SPOCK1: variants seen among roughly 807,000 people sequenced by gnomAD.
The protein encoded by SPOCK1 is SPARC (osteonectin), cwcv and kazal like domains proteoglycan 1, also known as testican-1.
In SPOCK1, 23 loss-of-function variants were observed where a neutral mutation model predicts 55.3. That is an observed-to-expected ratio of 0.42 (90% CI 0.30 to 0.59). SPOCK1 has a LOEUF of 0.59. Ranked by LOEUF, SPOCK1 falls within the 20% of genes least tolerant of loss-of-function variation. The pLI is 0.22. For missense variants in SPOCK1, 499 were observed against 552.5 expected (o/e 0.90, Z 0.97); for synonymous variants, 226 against 221.0 (o/e 1.02, Z -0.20).
At chr5:137,343,933 T>C (rs1750496806) in intron 2 of SPOCK1, among the ~76,000 whole-genome samples, 3 of 152,176 alleles carry the variant, frequency 2.0e-5, no homozygotes, top group Admixed American at 1.3e-4. Flanking sequence ...CTCCCCATCA[T>C]AGAACAGGAT....
chr5:137,171,155 A>G (rs1754747974), intron 3 of SPOCK1, among the ~76,000 whole-genome samples: 1 of 152,176 alleles, frequency 6.6e-6, no homozygotes, highest in African/African-American at 2.4e-5. Context: ...ACCCGAGACT[A>G]CATGCTCATC....
intron 2 of SPOCK1, among the ~76,000 whole-genome samples, chr5:137,444,667 T>C (rs908505602): frequency 2.0e-5 from 3 of 152,176 alleles, no homozygotes. Context: ...AAGCAAGTAA[T>C]AGAGCCATCT....
chr5:137,176,677 C>A (rs1754859284), intron 3 of SPOCK1, among the ~76,000 whole-genome samples: 1 of 152,126 alleles, frequency 6.6e-6, no homozygotes, highest in South Asian at 2.1e-4. Context: ...GGCAACAACT[C>A]AAATTGATGT....
intron 2 of SPOCK1, among the ~76,000 whole-genome samples, chr5:137,423,505 C>A (rs879389995): frequency 6.6e-6 from 1 of 152,200 alleles, no homozygotes; most frequent in African/African-American, 2.4e-5. Flanking sequence ...CCCCCAGCCT[C>A]GCTGCTGCCT....
At chr5:137,441,879 C>T (rs1379956412) in intron 2 of SPOCK1, among the ~76,000 whole-genome samples, 1 of 152,222 alleles carries the variant, frequency 6.6e-6, no homozygotes, top group African/African-American at 2.4e-5. Context: ...GTTACCTACT[C>T]ACAACTAGGC....
intron 3 of SPOCK1, among the ~76,000 whole-genome samples, chr5:137,248,732 T>C (rs2127104765): frequency 6.6e-6 from 1 of 152,276 alleles, no homozygotes; most frequent in East Asian, 1.9e-4. Flanking sequence ...AAAGAGATGA[T>C]TCATATAAAG....
intron 6 of SPOCK1, among the ~76,000 whole-genome samples, chr5:137,021,234 CATAG>C (rs1751558758): frequency 6.6e-6 from 1 of 152,070 alleles, no homozygotes; most frequent in Non-Finnish European, 1.5e-5. Flanking sequence ...CATGCAGCAG[CATAG>C]ATAAATTTTG....
At chr5:137,434,981 A>G (rs1427077411) in intron 2 of SPOCK1, among the ~76,000 whole-genome samples, 2 of 152,246 alleles carry the variant, frequency 1.3e-5, no homozygotes, top group Non-Finnish European at 2.9e-5. Flanking sequence ...AAAAAGAATT[A>G]AAATTTCCAA....
At chr5:137,415,872 T>A (rs1479654537) in intron 2 of SPOCK1, among the ~76,000 whole-genome samples, 1 of 152,146 alleles carries the variant, frequency 6.6e-6, no homozygotes, top group Non-Finnish European at 1.5e-5. Flanking sequence ...TCTTCCTAAA[T>A]ATCCCAAAAG....
chr5:137,116,829 C>T (rs1753593221), intron 4 of SPOCK1, among the ~76,000 whole-genome samples: 1 of 152,114 alleles, frequency 6.6e-6, no homozygotes, highest in South Asian at 2.1e-4. Flanking sequence ...TCAGCCGTTT[C>T]CCAGAGCCAG....
intron 2 of SPOCK1, among the ~76,000 whole-genome samples, chr5:137,416,229 G>A (rs535035956): frequency 8.5e-4 from 129 of 151,488 alleles, no homozygotes; most frequent in African/African-American, 2.9e-3. Flanking sequence ...TTCAAAAGTT[G>A]CAATAAAGAC....
chr5:137,477,871 A>C (rs953247960), intron 2 of SPOCK1, among the ~76,000 whole-genome samples: 2 of 152,228 alleles, frequency 1.3e-5, no homozygotes, highest in African/African-American at 4.8e-5. Context: ...GGCTTCATGT[A>C]AGGAAGCTGA....
At chr5:137,275,037 C>T (rs1426138185) in intron 2 of SPOCK1, among the ~76,000 whole-genome samples, 1 of 152,192 alleles carries the variant, frequency 6.6e-6, no homozygotes, top group Non-Finnish European at 1.5e-5. Flanking sequence ...GATAAGGGAC[C>T]TGAACCTGCT....
chr5:137,290,508 C>T (rs1757353529), intron 2 of SPOCK1, among the ~76,000 whole-genome samples: 1 of 152,188 alleles, frequency 6.6e-6, no homozygotes, highest in Non-Finnish European at 1.5e-5. Context: ...TTTGGAGTAA[C>T]AGTAATATTC....
intron 3 of SPOCK1, among the ~76,000 whole-genome samples, chr5:137,214,444 G>A (rs1755675922): frequency 6.6e-6 from 1 of 152,188 alleles, no homozygotes; most frequent in Non-Finnish European, 1.5e-5. Context: ...ACAGAAGCAT[G>A]TGGCTCCATC....
chr5:137,277,763 G>T (rs1373585050), intron 2 of SPOCK1, among the ~76,000 whole-genome samples: 1 of 152,186 alleles, frequency 6.6e-6, no homozygotes, highest in Admixed American at 6.5e-5. Context: ...AAGCAGGCAG[G>T]ACACCCTGGA....
At chr5:137,403,319 G>T (rs533035474) in intron 2 of SPOCK1, among the ~76,000 whole-genome samples, 4 of 152,232 alleles carry the variant, frequency 2.6e-5, no homozygotes, top group Admixed American at 1.3e-4. Flanking sequence ...CATTTTAAGG[G>T]TTAAGCACCT....
At chr5:137,384,327 C>G (rs1428959771) in intron 2 of SPOCK1, among the ~76,000 whole-genome samples, 1 of 152,204 alleles carries the variant, frequency 6.6e-6, no homozygotes, top group African/African-American at 2.4e-5. Context: ...TCCACCATAT[C>G]TGGAACCCAA....
chr5:137,274,316 A>G (rs1385049247), intron 2 of SPOCK1, among the ~76,000 whole-genome samples: 1 of 152,242 alleles, frequency 6.6e-6, no homozygotes, highest in East Asian at 1.9e-4. Flanking sequence ...AGTTAAAGTC[A>G]GAGAAGATAC....
Sources: allele counts gnomAD v4.1 joint callset (sites outside exome capture counted in the v4.1 genomes callset), GRCh38; gene constraint gnomAD v4.1.1; transcripts MANE v1.5; gene names NCBI Gene and HGNC (gene_info 2026-07-23, HGNC 2026-07-21).